Variants in KCNH4 observed in about 807,000 individuals in gnomAD.
KCNH4 encodes potassium voltage-gated channel subfamily H member 4, also known as voltage-gated delayed rectifier potassium channel KCNH4.
A neutral mutation model predicts 90.7 loss-of-function variants in KCNH4; 33 were observed. That is an observed-to-expected ratio of 0.36 (90% CI 0.28 to 0.49). The LOEUF is 0.49. Ranked by LOEUF, KCNH4 falls within the 20% of genes least tolerant of loss-of-function variation. The pLI is 0.98. For synonymous variants in KCNH4, 551 were observed against 581.7 expected, an observed-to-expected ratio of 0.95 and a Z score of 0.76; for missense variants, 1,044 against 1,387.1, an observed-to-expected ratio of 0.75 and a Z score of 3.93.
At position 42,160,002 on chromosome 17, in the gene KCNH4, A is replaced by T; in HGVS notation, c.*38T>A. On this transcript the variant is annotated 3_prime_UTR_variant, in exon 16 of 17. Coordinates refer to ENST00000264661, the MANE Select transcript of KCNH4 (RefSeq NM_012285.3). ...AGGTCCTCCCTGAGTGGTGAGCGGC[A>T]GCGCCCACCCCAGACAGGCCTGGGC... 6.2e-6 allele frequency: 9 copies of T among 1,455,932 alleles called. No individual in the cohort carries two copies. Among genetic ancestry groups the T allele is most frequent in the Non-Finnish European group, 8.2e-6 (9 of 1,097,312 alleles). The allele number at this position is 1,455,932 out of a possible 1,614,324, so 90.2% of individuals were successfully genotyped here. A position where few individuals can be genotyped will look rare whatever the true frequency, so the allele number is the denominator to read the frequency against.
intron 6 of KCNH4, among the ~76,000 whole-genome samples, chr17:42,172,570 CACACACACACACTT>C (rs2079835063): frequency 7.1e-6 from 1 of 141,466 alleles, no homozygotes; most frequent in African/African-American, 3.1e-5. Context: ...CACACACACA[CACACACACACACTT>C]ATACCTTTAG....
chr17:42,172,086 G>A, intron 6 of KCNH4, 91 bp from the exon 7 acceptor site: 1 of 1,091,176 alleles, frequency 9.2e-7, no homozygotes. Context: ...CAGACAACCT[G>A]GAGCCAGGGC....
In KCNH4 at chr17:42,163,160, A is replaced by C. The variant is rs2079760209; in HGVS notation, c.2584+68T>G. The C allele has an allele frequency of 2.7e-6, 3 of 1,091,832 alleles. 1 individual carries two copies. In the South Asian group the frequency reaches 3.8e-5, roughly 14 times the overall value. 67.6% of individuals were successfully genotyped at this position (1,091,832 alleles called of 1,614,324 possible). ...CTGGCACATGGTAGGCCCCTACTAC[A>C]TATGGGATGGATGGACAGGTGGATG... On this transcript the variant is annotated intron_variant, in intron 14 of 16. Coordinates refer to ENST00000264661, the MANE Select transcript of KCNH4 (RefSeq NM_012285.3). The surrounding 1 kb of genome is among the most constrained non-coding windows in gnomAD (Gnocchi z 5.4).
At chr17:42,169,816 G>C in intron 8 of KCNH4, 140 bp from the exon 9 acceptor site, 1 of 831,094 alleles carries the variant, frequency 1.2e-6, no homozygotes, top group South Asian at 1.6e-5. Context: ...CTAAGGGTGG[G>C]GAATAGGGAG....
chr17:42,173,211 T>C (rs1389427287), intron 6 of KCNH4, among the ~76,000 whole-genome samples: 2 of 151,990 alleles, frequency 1.3e-5, no homozygotes, highest in Admixed American at 6.6e-5. Flanking sequence ...CCTGGGGAAC[T>C]TGGTATGAAA....
intron 6 of KCNH4, among the ~76,000 whole-genome samples, chr17:42,173,000 G>A (rs2079838018): frequency 6.6e-6 from 1 of 151,716 alleles, no homozygotes; most frequent in Non-Finnish European, 1.5e-5. Context: ...GGAGAGCAGG[G>A]ACTGAGGGAG....
chr17:42,166,202 T>G, intron 10 of KCNH4, 95 bp downstream of exon 10: 1 of 1,442,464 alleles, frequency 6.9e-7, no homozygotes, highest in Non-Finnish European at 9.3e-7. Context: ...ACGAGGGGTA[T>G]CCCATTCCCT....
rs1433458558 is a variant in KCNH4, at chr17:42,178,318, G to T, written c.457+13C>A. The T allele has an allele frequency of 6.2e-7, 1 of 1,614,198 alleles. No individual in the cohort carries two copies. The highest frequency in any genetic ancestry group is 1.3e-5 in the African/African-American group (1 of 75,068). Reference sequence around the variant, plus strand: ...TCTGACCATTCACACTGCCCGTCCGGACTTGCTGTTACCGTGATTACTGTC... The same window carrying T: ...TCTGACCATTCACACTGCCCGTCCGTACTTGCTGTTACCGTGATTACTGTC... On this transcript the variant is annotated intron_variant, in intron 3 of 16. Transcript: ENST00000264661.
intron 6 of KCNH4, among the ~76,000 whole-genome samples, chr17:42,172,645 A>G (rs2144135118): frequency 6.6e-6 from 1 of 151,704 alleles, no homozygotes; most frequent in South Asian, 2.1e-4. Context: ...AGGTTCAGGG[A>G]GGCTAATGAC....
chr17:42,164,377 T>C (rs2079771719), intron 11 of KCNH4, among the ~76,000 whole-genome samples: 1 of 152,196 alleles, frequency 6.6e-6, no homozygotes, highest in South Asian at 2.1e-4. Context: ...AGGTGTAATG[T>C]ACAGGCCTGG....
At position 42,163,172 on chromosome 17, in the gene KCNH4, T is replaced by G. The variant is rs190657461; in HGVS notation, c.2584+56A>C. 8.3e-7 allele frequency: 1 copy of G among 1,205,052 alleles called. No homozygotes were observed. The highest frequency in any genetic ancestry group is 2.3e-5 in the East Asian group (1 of 43,004). The allele number at this position is 1,205,052 out of a possible 1,614,324, so 74.6% of individuals were successfully genotyped here. A position where few individuals can be genotyped will look rare whatever the true frequency, so the allele number is the denominator to read the frequency against. On this transcript the variant is annotated intron_variant, in intron 14 of 16. Coordinates refer to ENST00000264661, the MANE Select transcript of KCNH4 (RefSeq NM_012285.3). The surrounding 1 kb of genome is among the most constrained non-coding windows in gnomAD (Gnocchi z 5.4). Reference sequence around the variant, plus strand: ...AGGCCCCTACTACATATGGGATGGATGGACAGGTGGATGGGCAGATGGATG... The same window carrying G: ...AGGCCCCTACTACATATGGGATGGAGGGACAGGTGGATGGGCAGATGGATG...
intron 9 of KCNH4, among the ~76,000 whole-genome samples, chr17:42,168,142 C>A (rs1286004785): frequency 2.6e-5 from 4 of 152,184 alleles, no homozygotes; most frequent in Non-Finnish European, 4.4e-5. Context: ...TCCTTTACAG[C>A]CCCATTCAGC....
Position 42,179,000 on chromosome 17 carries a change from G to A in KCNH4, c.103C>T (p.Gln35Ter). 1 of 1,613,882 alleles carries A rather than the reference G, an allele frequency of 6.2e-7. No individual in the cohort carries two copies. Among genetic ancestry groups the A allele is most frequent in the Non-Finnish European group, 8.5e-7 (1 of 1,179,718 alleles). ...ACGATGGGAAAGCCCCGTGTGCCCT[G>A]TGCGTTGGCCAGCAGGAAGTTGCTG... is the stretch of plus-strand genomic sequence containing the variant. ...THSNFLLANA[Q>*]GTRGFPIVYC... The change falls in exon 2 of 17, where the codon CAG becomes TAG. Residue 35 changes from glutamine (Q) to a stop codon, truncating the protein, a stop_gained. Transcript: ENST00000264661. LOFTEE classifies it high-confidence loss of function.
At chr17:42,172,536 A>AACACAC (rs55671197) in intron 6 of KCNH4, among the ~76,000 whole-genome samples, 2,732 of 136,672 alleles carry the variant, frequency 0.02, 37 homozygotes, top group East Asian at 0.042. Flanking sequence ...CTTATTTAAC[A>AACACAC]ACACACACAC....
In KCNH4 at chr17:42,176,160, C is replaced by A. The variant is rs146276927; in HGVS notation, c.723G>T (p.Ala241=). ...GLILLATFYV[A]VTVPYNVCFS... Reference sequence around the variant, plus strand: ...AACAGACATTGTAGGGGACGGTGACCGCAACGTAGAAGGTGGCAAGGAGGA... The same window carrying A: ...AACAGACATTGTAGGGGACGGTGACAGCAACGTAGAAGGTGGCAAGGAGGA... Residue 241 remains alanine, a synonymous_variant, in exon 5 of 17, where the codon GCG becomes GCT. Transcript: ENST00000264661. 8.1e-6 allele frequency: 13 copies of A among 1,613,550 alleles called. No homozygotes were observed. Among genetic ancestry groups the A allele is most frequent in the South Asian group, 2.2e-5 (2 of 91,052 alleles).
intron 7 of KCNH4, among the ~76,000 whole-genome samples, 192 bp downstream of exon 7, chr17:42,171,596 C>T (rs956002651): frequency 3.3e-5 from 5 of 152,112 alleles, no homozygotes; most frequent in Non-Finnish European, 5.9e-5. Flanking sequence ...GAGTTCCCCC[C>T]AACCTGCCCC....
chr17:42,173,938 G>A lies in KCNH4; in HGVS notation c.987+1641C>T, dbSNP rs111286477. Among the ~76,000 whole-genome samples, 951 of 151,696 alleles carry A rather than the reference G, an allele frequency of 6.3e-3. 7 individuals carry two copies. The highest frequency in any genetic ancestry group is 0.022 in the African/African-American group (895 of 41,336). ...AGGATGGTCTTGATCTCCTGACCTC[G>A]TGATCCGCCCGCCTGGGCCTCCCAA... is the stretch of plus-strand genomic sequence containing the variant. On this transcript the variant is annotated intron_variant, in intron 6 of 16. Coordinates refer to ENST00000264661, the MANE Select transcript of KCNH4 (RefSeq NM_012285.3).
In KCNH4 at chr17:42,180,580, C is replaced by T. The variant is rs1249589553; in HGVS notation, c.76+290G>A. On this transcript the variant is annotated intron_variant, in intron 1 of 16. Transcript: ENST00000264661. The surrounding 1 kb of genome is among the most constrained non-coding windows in gnomAD (Gnocchi z 4.7). ...TACACGCCCCCAGCACAGCTCTGCC[C>T]GAGAGTGGGCGGCTCCGAAGGACCC... Among the ~76,000 whole-genome samples the T allele has an allele frequency of 5.3e-5, 8 of 151,998 alleles. No individual in the cohort carries two copies. The highest frequency in any genetic ancestry group is 4.6e-4 in the Admixed American group (7 of 15,258).
chr17:42,166,663 C>T, intron 9 of KCNH4, 117 bp from the exon 10 acceptor site: 1 of 1,272,480 alleles, frequency 7.9e-7, no homozygotes, highest in Non-Finnish European at 1.1e-6. Flanking sequence ...TGAAGTCACC[C>T]ATTCCAGACC....
Sources: gnomAD v4.1 joint callset for allele counts (sites outside exome capture counted in the v4.1 genomes callset) on GRCh38, gnomAD v4.1.1 for gene constraint, Gnocchi (gnomAD v3.1) non-coding constraint, MANE v1.5 for transcripts, NCBI Gene and HGNC (gene_info 2026-07-23, HGNC 2026-07-21) for gene names.